ST8SIA1: variants seen among roughly 807,000 people sequenced by gnomAD.
ST8SIA1 encodes ST8 alpha-N-acetyl-neuraminide alpha-2,8-sialyltransferase 1, also known as alpha-N-acetylneuraminide alpha-2,8-sialyltransferase.
ST8SIA1 carries 16 observed loss-of-function variants against 35.9 expected under a neutral mutation model. The observed-to-expected ratio is 0.45, with a 90% CI of 0.30 to 0.68. ST8SIA1 has a LOEUF of 0.68. Ranked by LOEUF, ST8SIA1 falls within the 30% of genes least tolerant of loss-of-function variation. The pLI is 0.09. For missense variants in ST8SIA1, 383 were observed against 453.6 expected (o/e 0.84, Z 1.41); for synonymous variants, 170 against 169.6 (o/e 1.00, Z -0.02).
intron 4 of ST8SIA1, among the ~76,000 whole-genome samples, chr12:22,215,112 T>C (rs917499470): frequency 1.3e-5 from 2 of 152,176 alleles, no homozygotes; most frequent in African/African-American, 2.4e-5. Flanking sequence ...CTCCACATCA[T>C]TGGCCCCTTC....
chr12:22,334,427 C>T lies in ST8SIA1; in HGVS notation c.-195G>A. ...AGGATTTTTTCAAATGCAACTTTTCCAAGGATTTCTTTCTAGGGGAAGTGG... is the reference window on the plus strand; with the variant it reads ...AGGATTTTTTCAAATGCAACTTTTCTAAGGATTTCTTTCTAGGGGAAGTGG... On this transcript the variant is annotated 5_prime_UTR_variant, in exon 1 of 5. Transcript: ENST00000396037. 1 of 598,056 alleles carries T rather than the reference C, an allele frequency of 1.7e-6. No homozygotes were observed. The highest frequency in any genetic ancestry group is 3.0e-6 in the Non-Finnish European group (1 of 336,732). 37.0% of individuals were successfully genotyped at this position (598,056 alleles called of 1,614,324 possible). A position where few individuals can be genotyped will look rare whatever the true frequency, so the allele number is the denominator to read the frequency against.
At chr12:22,266,493 T>A (rs1225876266) in intron 2 of ST8SIA1, among the ~76,000 whole-genome samples, 5 of 134,922 alleles carry the variant, frequency 3.7e-5, no homozygotes, top group African/African-American at 1.2e-4. Flanking sequence ...AACCCCTATT[T>A]AAAAAAAAAA....
At chr12:22,223,562 GC>G (rs1865324366) in intron 4 of ST8SIA1, 1 of 1,048,862 alleles carries the variant, frequency 9.5e-7, no homozygotes, top group Non-Finnish European at 1.2e-6. Context: ...GGAGACAGGG[GC>G]CCATTTTTCA....
chr12:22,229,212 A>C (rs1239930585), intron 4 of ST8SIA1, among the ~76,000 whole-genome samples: 1 of 152,084 alleles, frequency 6.6e-6, no homozygotes, highest in Non-Finnish European at 1.5e-5. Context: ...GAACAAAGAC[A>C]ATGGCAGTGG....
intron 1 of ST8SIA1, among the ~76,000 whole-genome samples, chr12:22,306,413 G>C (rs1169824088): frequency 2.0e-5 from 3 of 151,918 alleles, no homozygotes; most frequent in Non-Finnish European, 2.9e-5. Context: ...TTTCTTTCTT[G>C]AGAAAGGGTA....
chr12:22,277,205 T>G (rs1040476623), intron 2 of ST8SIA1, among the ~76,000 whole-genome samples: 4 of 152,196 alleles, frequency 2.6e-5, no homozygotes, highest in Admixed American at 6.5e-5. Flanking sequence ...CTGTGAATGC[T>G]GCTCCAGCTG....
At chr12:22,221,975 A>G (rs1486810669) in intron 4 of ST8SIA1, among the ~76,000 whole-genome samples, 1 of 152,184 alleles carries the variant, frequency 6.6e-6, no homozygotes, top group Non-Finnish European at 1.5e-5. Context: ...TCAAAAATGG[A>G]AAAGAAAGTT....
chr12:22,238,163 T>TC (rs5796956), intron 4 of ST8SIA1, among the ~76,000 whole-genome samples: 7,162 of 151,646 alleles, frequency 0.047, 573 homozygotes, highest in African/African-American at 0.16. Context: ...ACTTGAGAAC[T>TC]CCCCCCCCAA....
chr12:22,213,524 GT>G (rs1249244654), intron 4 of ST8SIA1, among the ~76,000 whole-genome samples: 10 of 152,180 alleles, frequency 6.6e-5, no homozygotes, highest in Non-Finnish European at 8.8e-5. Flanking sequence ...TGAAGAATGA[GT>G]AAAAAGTAGC....
chr12:22,334,257 G>A lies in ST8SIA1; in HGVS notation c.-25C>T, dbSNP rs1250838914. The A allele has an allele frequency of 1.3e-6, 2 of 1,590,678 alleles. No homozygotes were observed. Among genetic ancestry groups the A allele is most frequent in the Admixed American group, 1.7e-5 (1 of 59,082 alleles). On this transcript the variant is annotated 5_prime_UTR_variant, in exon 1 of 5. Coordinates refer to ENST00000396037, the MANE Select transcript of ST8SIA1 (RefSeq NM_003034.4). ...TCGCAGCCCCGGCGTCCCAGGGGCG[G>A]GGGCCGGGGCCTCAGCACAAAGCTA...
chr12:22,324,650 A>G (rs563844302), intron 1 of ST8SIA1: 1 of 152,284 alleles, frequency 6.6e-6, no homozygotes, highest in Non-Finnish European at 1.5e-5. Context: ...GTTAAATGTC[A>G]ATTACTTTTA....
rs1865043370 is a variant in ST8SIA1 at position 22,201,029 on chromosome 12, A to G, written c.*523T>C. On this transcript the variant is annotated 3_prime_UTR_variant, in exon 5 of 5. Transcript: ENST00000396037. ...AGCAGTAACATTTTGTATCTTTATT[A>G]CTCAGGAAGGGATTTTTTAAATCTA... 1 of 152,188 alleles carries G rather than the reference A, an allele frequency of 6.6e-6. No individual in the cohort carries two copies. Among genetic ancestry groups the G allele is most frequent in the Admixed American group, 6.5e-5 (1 of 15,272 alleles). 9.4% of individuals were successfully genotyped at this position (152,188 alleles called of 1,614,324 possible).
intron 4 of ST8SIA1, among the ~76,000 whole-genome samples, chr12:22,245,284 T>G (rs1865587308): frequency 6.6e-6 from 1 of 152,218 alleles, no homozygotes; most frequent in South Asian, 2.1e-4. Context: ...GTACATCTAA[T>G]CAGGTTGTCT....
chr12:22,228,872 G>A (rs1865385174), intron 4 of ST8SIA1, among the ~76,000 whole-genome samples: 2 of 151,920 alleles, frequency 1.3e-5, no homozygotes, highest in Admixed American at 1.3e-4. Flanking sequence ...TGGCCAACAT[G>A]GTGAAACCCC....
intron 1 of ST8SIA1, among the ~76,000 whole-genome samples, chr12:22,315,937 T>C (rs1866513378): frequency 6.6e-6 from 1 of 152,180 alleles, no homozygotes; most frequent in Non-Finnish European, 1.5e-5. Flanking sequence ...CACGTTTACC[T>C]GTGTAACAAA....
At chr12:22,265,970 C>A (rs1565581811) in intron 2 of ST8SIA1, among the ~76,000 whole-genome samples, 7 of 152,080 alleles carry the variant, frequency 4.6e-5, no homozygotes, top group Admixed American at 3.3e-4. Context: ...CCCAGGACCT[C>A]TCAACACCCT....
chr12:22,310,076 C>A (rs1309661275), intron 1 of ST8SIA1, among the ~76,000 whole-genome samples: 1 of 152,096 alleles, frequency 6.6e-6, no homozygotes, highest in East Asian at 1.9e-4. Context: ...CCACTTACTG[C>A]TCTATGGCAT....
chr12:22,320,567 G>A (rs944427121), intron 1 of ST8SIA1, among the ~76,000 whole-genome samples: 8 of 152,106 alleles, frequency 5.3e-5, no homozygotes, highest in African/African-American at 1.7e-4. Flanking sequence ...AAGTGAAGCC[G>A]GGAGCGGTGG....
At chr12:22,283,435 G>A (rs1866060014) in intron 2 of ST8SIA1, among the ~76,000 whole-genome samples, 1 of 152,186 alleles carries the variant, frequency 6.6e-6, no homozygotes, top group South Asian at 2.1e-4. Flanking sequence ...GGACCATGCA[G>A]GCTTAAAAGG....
Sources: gnomAD v4.1 joint callset for allele counts (sites outside exome capture counted in the v4.1 genomes callset) on GRCh38, gnomAD v4.1.1 for gene constraint, MANE v1.5 for transcripts, NCBI Gene and HGNC (gene_info 2026-07-23, HGNC 2026-07-21) for gene names.